MACROD1: variants seen among roughly 807,000 people sequenced by gnomAD.
MACROD1 encodes ADP-ribose glycohydrolase MACROD1.
In MACROD1, 31 loss-of-function variants were observed where a neutral mutation model predicts 41.4. The ratio of observed to expected loss-of-function variants is 0.75; its 90% CI spans 0.56 to 1.01. The LOEUF (loss-of-function observed/expected upper bound fraction) is 1.01. Ranked by LOEUF, MACROD1 falls within the 50% of genes least tolerant of loss-of-function variation. The pLI is 0.00. For missense variants in MACROD1, 473 were observed against 460.0 expected, an observed-to-expected ratio of 1.03 and a Z score of -0.26; for synonymous variants, 252 against 203.4, an observed-to-expected ratio of 1.24 and a Z score of -2.03.
Position 64,036,143 on chromosome 11 carries a change from C to A in MACROD1, c.518-20862G>T, listed in dbSNP as rs991726499. 5 of 152,124 alleles carry A rather than the reference C, an allele frequency of 3.3e-5. No homozygotes were observed. Among genetic ancestry groups the A allele is most frequent in the Non-Finnish European group, 7.3e-5 (5 of 68,040 alleles). 9.4% of individuals were successfully genotyped at this position (152,124 alleles called of 1,614,324 possible). A position where few individuals can be genotyped will look rare whatever the true frequency, so the allele number is the denominator to read the frequency against. ...CAAAGTTTCCCGAGGAGACCCGCCT[C>A]CCCGGCCGCTGCGCAGGTAGGGCTG... On this transcript the variant is annotated intron_variant, in intron 3 of 10. Coordinates refer to ENST00000255681, the MANE Select transcript of MACROD1 (RefSeq NM_014067.4). This position sits in a 1 kb window ranked among gnomAD's most constrained non-coding sequence, Gnocchi z 5.6.
At chr11:64,150,709 A>G (rs917901194) in intron 3 of MACROD1, among the ~76,000 whole-genome samples, 2 of 152,100 alleles carry the variant, frequency 1.3e-5, no homozygotes, top group Admixed American at 1.3e-4. Context: ...GCCGGCTCCC[A>G]TACTCATCAC....
At chr11:64,001,653 G>T in intron 4 of MACROD1, 1 of 701,540 alleles carries the variant, frequency 1.4e-6, no homozygotes, top group Non-Finnish European at 2.6e-6. Flanking sequence ...GGGCAGAGAG[G>T]TTAGGGGAAC....
chr11:64,040,725 C>T (rs1051766930), intron 3 of MACROD1, among the ~76,000 whole-genome samples: 1 of 152,166 alleles, frequency 6.6e-6, no homozygotes. Flanking sequence ...GGAGAGTCCG[C>T]AGAAACCCTC....
At chr11:64,165,267 G>C (rs1169016344) in intron 1 of MACROD1, among the ~76,000 whole-genome samples, 1 of 152,214 alleles carries the variant, frequency 6.6e-6, no homozygotes, top group East Asian at 1.9e-4. Context: ...ACCACACTGT[G>C]CAAAGTTTGG....
chr11:64,166,006 G>A lies in MACROD1; in HGVS notation c.-12C>T. 1 of 1,257,800 alleles carries A rather than the reference G, an allele frequency of 8.0e-7. No homozygotes were observed. Among genetic ancestry groups the A allele is most frequent in the Non-Finnish European group, 1.0e-6 (1 of 1,004,460 alleles). The allele number at this position is 1,257,800 out of a possible 1,614,324, so 77.9% of individuals were successfully genotyped here. ...CTCTGTAGAGACATGAGCGGGCGGC[G>A]CGGGACGGCTCTCCGCCCACTTGGA... is the stretch of plus-strand genomic sequence containing the variant. On this transcript the variant is annotated 5_prime_UTR_variant, in exon 1 of 11. Coordinates refer to ENST00000255681, the MANE Select transcript of MACROD1 (RefSeq NM_014067.4).
At chr11:64,085,066 G>A (rs1590885753) in intron 3 of MACROD1, among the ~76,000 whole-genome samples, 3 of 152,366 alleles carry the variant, frequency 2.0e-5, no homozygotes, top group Admixed American at 6.5e-5. Context: ...GAGAGGTTCA[G>A]TCATTGCACA....
chr11:64,026,139 C>T (rs747069284), intron 3 of MACROD1, among the ~76,000 whole-genome samples: 1 of 152,128 alleles, frequency 6.6e-6, no homozygotes, highest in African/African-American at 2.4e-5. Context: ...CGAGATTGTG[C>T]CATTGCACTC....
At chr11:64,119,801 T>C (rs144195285) in intron 3 of MACROD1, among the ~76,000 whole-genome samples, 236 of 152,298 alleles carry the variant, frequency 1.5e-3, no homozygotes, top group African/African-American at 5.4e-3. Context: ...ATCATGCATT[T>C]ATCAACTGAC....
chr11:64,068,090 G>A (rs942078554), intron 3 of MACROD1, among the ~76,000 whole-genome samples: 3 of 152,252 alleles, frequency 2.0e-5, no homozygotes, highest in South Asian at 2.1e-4. Flanking sequence ...GGAGCCGGGC[G>A]AAGTTGAAGT....
intron 4 of MACROD1, chr11:64,001,370 C>G: frequency 4.3e-6 from 3 of 697,574 alleles, no homozygotes; most frequent in South Asian, 1.5e-5. Context: ...CAGCTCTGAT[C>G]GCCCACGCCA....
intron 1 of MACROD1, among the ~76,000 whole-genome samples, chr11:64,162,121 C>A (rs1945764258): frequency 6.6e-6 from 1 of 151,870 alleles, no homozygotes; most frequent in African/African-American, 2.4e-5. Flanking sequence ...GTGGGTAGAT[C>A]GCTTGAGCTT....
rs546274818 is a variant in MACROD1, at chr11:64,004,907, G to C, written c.548-4564C>G. ...TCAAAGAAAAGAAAAAAGAGTGGTG[G>C]GGAGCACTGAGATATGCTGGAAGGT... On this transcript the variant is annotated intron_variant, in intron 4 of 10. Transcript: ENST00000255681. 3.0e-4 allele frequency among the ~76,000 whole-genome samples: 45 copies of C among 152,204 alleles called. No individual in the cohort carries two copies. In the East Asian group the frequency reaches 3.9e-3, roughly 13 times the overall value.
chr11:64,151,066 G>A, intron 3 of MACROD1, among the ~76,000 whole-genome samples, 173 bp downstream of exon 3: 1 of 152,232 alleles, frequency 6.6e-6, no homozygotes, highest in Non-Finnish European at 1.5e-5. Context: ...GGTTTCAAGG[G>A]AAGAGGAGCC....
Position 64,085,795 on chromosome 11 carries a change from T to C in MACROD1, c.517+65444A>G, listed in dbSNP as rs530064956. Among the ~76,000 whole-genome samples, 8 of 152,266 alleles carry C rather than the reference T, an allele frequency of 5.3e-5. No homozygotes were observed. In the South Asian group the frequency reaches 1.7e-3, roughly 32 times the overall value. On this transcript the variant is annotated intron_variant, in intron 3 of 10. Transcript: ENST00000255681. ...CTTAACTTCTCAGGCCTCAGTTTCC[T>C]CAGCTGGGCAAGTCGGGGAATAACA...
chr11:64,011,813 C>T (rs946648978), intron 4 of MACROD1, among the ~76,000 whole-genome samples: 1 of 151,962 alleles, frequency 6.6e-6, no homozygotes, highest in Non-Finnish European at 1.5e-5. Flanking sequence ...TCCAGGGACC[C>T]CACGGGAAGA....
intron 3 of MACROD1, among the ~76,000 whole-genome samples, chr11:64,079,288 G>C (rs1944261747): frequency 6.6e-6 from 1 of 152,138 alleles, no homozygotes; most frequent in Non-Finnish European, 1.5e-5. Flanking sequence ...GTGTGCAGCT[G>C]GCGCTGCAGA....
Position 64,118,100 on chromosome 11 carries a change from C to A in MACROD1, c.517+33139G>T, listed in dbSNP as rs147439962. On this transcript the variant is annotated intron_variant, in intron 3 of 10. Transcript: ENST00000255681. ...CAGGGACCAAGAAGGATAACTCCAT[C>A]CTGGAAATCCGCGGCCCTGGGCTGC... is the stretch of plus-strand genomic sequence containing the variant. 1.1e-3 allele frequency: 1,828 copies of A among 1,611,512 alleles called. 11 individuals carry two copies. Among genetic ancestry groups the A allele is most frequent in the Middle Eastern group, 7.8e-3 (47 of 6,052 alleles).
At chr11:64,000,102 T>C in intron 5 of MACROD1, 125 bp downstream of exon 5, 1 of 742,928 alleles carries the variant, frequency 1.3e-6, no homozygotes, top group Non-Finnish European at 2.2e-6. Flanking sequence ...GTCTTGGCCC[T>C]TAAGGTTAAG....
chr11:64,022,078 C>A (rs1943165090), intron 3 of MACROD1, among the ~76,000 whole-genome samples: 1 of 151,384 alleles, frequency 6.6e-6, no homozygotes, highest in African/African-American at 2.4e-5. Context: ...ACCTCAGGGG[C>A]TGAGGAGCAG....
Sources: gnomAD v4.1 joint callset for allele counts (sites outside exome capture counted in the v4.1 genomes callset) on GRCh38, gnomAD v4.1.1 for gene constraint, Gnocchi (gnomAD v3.1) non-coding constraint, MANE v1.5 for transcripts, NCBI Gene and HGNC (gene_info 2026-07-23, HGNC 2026-07-21) for gene names.